The following ATM variants were observed in gnomAD, a reference collection of about 807,000 sequenced individuals.
ATM encodes the protein serine-protein kinase ATM.
A neutral mutation model predicts 387.0 loss-of-function variants in ATM; 308 were observed. That is an observed-to-expected ratio of 0.80 (90% CI 0.73 to 0.87). The LOEUF (loss-of-function observed/expected upper bound fraction) is 0.87. ATM is among the 40% of genes least tolerant of loss of function. The probability of loss-of-function intolerance (pLI) is 0.00; values close to 1 mark genes in which losing one functional copy is unlikely to be tolerated. For missense variants in ATM, 3,312 were observed against 3,560.9 expected, an observed-to-expected ratio of 0.93 and a Z score of 1.78; for synonymous variants, 1,156 against 1,187.3, an observed-to-expected ratio of 0.97 and a Z score of 0.54.
chr11:108,318,586 A>G (rs1158324579), intron 43 of ATM, among the ~76,000 whole-genome samples: 1 of 151,596 alleles, frequency 6.6e-6, no homozygotes, highest in Non-Finnish European at 1.5e-5. Context: ...GCTACTCGGG[A>G]GGCTGAGGCA....
rs1440510829 is a variant in ATM, at chr11:108,247,066, G to C, written c.1004G>C (p.Gly335Ala). The change falls in exon 8 of 63, where the codon GGA becomes GCA. Residue 335 changes from glycine to alanine, a missense_variant. Coordinates refer to ENST00000675843, the MANE Select transcript of ATM (RefSeq NM_000051.4). ...GGAAGTAGAGGAAAGTATTCTTCAG[G>C]ATTTCGTAATATTGCCGTCAAAGAA... ...HIGSRGKYSS[G>A]FRNIAVKENL... 1 of 1,613,922 alleles carries C rather than the reference G, an allele frequency of 6.2e-7. No individual in the cohort carries two copies. The highest frequency in any genetic ancestry group is 8.5e-7 in the Non-Finnish European group (1 of 1,179,928).
intron 57 of ATM, among the ~76,000 whole-genome samples, chr11:108,345,396 T>C (rs1272011839): frequency 2.0e-5 from 3 of 152,240 alleles, no homozygotes; most frequent in African/African-American, 7.2e-5. Context: ...TCCTGTTTTC[T>C]ATTGCAACCC....
In ATM at chr11:108,327,731, G is replaced by A. The variant is rs143489373; in HGVS notation, c.7062G>A (p.Ala2354=). Residue 2354 remains alanine, a synonymous_variant, in exon 48 of 63, where the codon GCG becomes GCA. Transcript: ENST00000675843. ...WLAETCLENP[A]VIMQTYLEKA... ...CAGAAACGTGCTTAGAAAATCCTGC[G>A]GTCATCATGCAGACCTATCTAGAAA... 3.0e-4 allele frequency: 486 copies of A among 1,613,818 alleles called. 1 individual carries two copies. Among genetic ancestry groups the A allele is most frequent in the Non-Finnish European group, 3.9e-4 (460 of 1,179,902 alleles).
At position 108,365,856 on chromosome 11, in the gene ATM, C is replaced by G. The variant is rs2091289829; in HGVS notation, c.*348C>G. On this transcript the variant is annotated 3_prime_UTR_variant, in exon 63 of 63. Coordinates refer to ENST00000675843, the MANE Select transcript of ATM (RefSeq NM_000051.4). ...CCAGCCTGGCCAGTATGGTGAAACC[C>G]TGTCTCTACTAAAAATACAAAAATT... 4.0e-6 allele frequency: 1 copy of G among 250,704 alleles called. No homozygotes were observed. The highest frequency in any genetic ancestry group is 7.9e-6 in the Non-Finnish European group (1 of 127,068). The allele number at this position is 250,704 out of a possible 1,614,324, so 15.5% of individuals were successfully genotyped here.
At chr11:108,229,482 T>G (rs2078908387) in intron 4 of ATM, 159 bp downstream of exon 4, 1 of 756,012 alleles carries the variant, frequency 1.3e-6, no homozygotes, top group South Asian at 2.1e-5. Context: ...ATGATTTTTA[T>G]TTTTATTAAA....
Position 108,331,426 on chromosome 11 carries a change from T to C in ATM, c.7516-18T>C, listed in dbSNP as rs1312616858. The C allele has an allele frequency of 6.2e-7, 1 of 1,610,232 alleles. No individual in the cohort carries two copies. The highest frequency in any genetic ancestry group is 1.3e-5 in the African/African-American group (1 of 74,718). ...AAATACCTTGTTTCTTAATTTTGTG[T>C]CTTTTTTTTAATGGTAGAGAGACGG... On this transcript the variant is annotated intron_variant, in intron 50 of 62. Coordinates refer to ENST00000675843, the MANE Select transcript of ATM (RefSeq NM_000051.4).
chr11:108,266,193 A>G (rs1237700818), intron 16 of ATM, among the ~76,000 whole-genome samples: 1 of 149,228 alleles, frequency 6.7e-6, no homozygotes, highest in Non-Finnish European at 1.5e-5. Flanking sequence ...ACGTATGTTT[A>G]TTGTGGCATT....
chr11:108,324,198 T>C (rs969524284), intron 45 of ATM, among the ~76,000 whole-genome samples: 2 of 152,120 alleles, frequency 1.3e-5, no homozygotes, highest in Middle Eastern at 3.2e-3. Flanking sequence ...TGTGTAATAC[T>C]TTTTGGAAAT....
At chr11:108,229,930 C>T (rs1467432471) in intron 4 of ATM, 1 of 152,720 alleles carries the variant, frequency 6.5e-6, no homozygotes, top group African/African-American at 2.4e-5. Flanking sequence ...CAGTCCTCCC[C>T]CTGCTCAGCC....
chr11:108,299,327 T>C (rs1309291512), intron 33 of ATM, among the ~76,000 whole-genome samples: 1 of 151,984 alleles, frequency 6.6e-6, no homozygotes, highest in African/African-American at 2.4e-5. Flanking sequence ...TTTTTTTTTT[T>C]TCTTTTGTCA....
intron 50 of ATM, chr11:108,331,229 C>T: frequency 8.0e-7 from 1 of 1,254,912 alleles, no homozygotes; most frequent in Non-Finnish European, 1.0e-6. Flanking sequence ...TAATTTAGGA[C>T]CAAATATTTT....
At chr11:108,225,761 C>G (rs2078706660) in intron 1 of ATM, 1 of 152,232 alleles carries the variant, frequency 6.6e-6, no homozygotes, top group South Asian at 2.1e-4. Context: ...CAGGCATGAG[C>G]CACCACGCCT....
intron 56 of ATM, among the ~76,000 whole-genome samples, chr11:108,338,404 C>T (rs2087094614): frequency 6.6e-6 from 1 of 152,132 alleles, no homozygotes; most frequent in African/African-American, 2.4e-5. Context: ...CCTGTAATCT[C>T]AGCACTTTGA....
rs1555091083 is a variant in ATM at position 108,280,970 on chromosome 11, A to AT, written c.3403-15dup. The stretch of plus-strand genomic sequence containing the variant: ...GTTAAACATTTACATTTTACATTAC[A>AT]TTTTTTTTTTAATTTCTTTTTAAGT... On this transcript the variant is annotated intron_variant, in intron 23 of 62. Transcript: ENST00000675843. The AT allele has an allele frequency of 0.011, 16,427 of 1,467,080 alleles. 934 individuals are homozygous for AT. In the African/African-American group the frequency reaches 0.19, roughly 17 times the overall value. 90.9% of individuals were successfully genotyped at this position (1,467,080 alleles called of 1,614,324 possible). A position where few individuals can be genotyped will look rare whatever the true frequency, so the allele number is the denominator to read the frequency against.
At chr11:108,231,786 A>T (rs1478758614) in intron 4 of ATM, among the ~76,000 whole-genome samples, 1 of 151,772 alleles carries the variant, frequency 6.6e-6, no homozygotes, top group Non-Finnish European at 1.5e-5. Flanking sequence ...TGAATATTTC[A>T]GATTGGTGGT....
chr11:108,257,404 A>C, intron 14 of ATM, 77 bp from the exon 15 acceptor site: 1 of 1,548,134 alleles, frequency 6.5e-7, no homozygotes, highest in Non-Finnish European at 8.8e-7. Flanking sequence ...TATGTCCAAG[A>C]TCAAAGTACA....
chr11:108,357,030 G>A (rs2090037672), intron 61 of ATM, among the ~76,000 whole-genome samples: 1 of 152,226 alleles, frequency 6.6e-6, no homozygotes, highest in African/African-American at 2.4e-5. Flanking sequence ...TCCATCTGAG[G>A]TACCAGGTTC....
intron 40 of ATM, among the ~76,000 whole-genome samples, chr11:108,314,506 TC>T (rs2084447840): frequency 6.6e-6 from 1 of 152,098 alleles, no homozygotes; most frequent in South Asian, 2.1e-4. Flanking sequence ...TTATTTCTTA[TC>T]TAATTCATGA....
chr11:108,341,423 T>G (rs1019631132), intron 56 of ATM, among the ~76,000 whole-genome samples: 1 of 152,144 alleles, frequency 6.6e-6, no homozygotes, highest in East Asian at 1.9e-4. Context: ...AGGATATATG[T>G]TCCTCACCAG....
Sources: gnomAD v4.1 joint callset for allele counts (sites outside exome capture counted in the v4.1 genomes callset) on GRCh38, gnomAD v4.1.1 for gene constraint, MANE v1.5 for transcripts, NCBI Gene and HGNC (gene_info 2026-07-23, HGNC 2026-07-21) for gene names.